Variants in TRIO observed in about 807,000 individuals in gnomAD.
The protein encoded by TRIO is trio Rho guanine nucleotide exchange factor, also known as triple functional domain protein.
In TRIO, 58 loss-of-function variants were observed where a neutral mutation model predicts 351.9. That is an observed-to-expected ratio of 0.16 (90% CI 0.13 to 0.21). TRIO has a LOEUF of 0.21. Ranked by LOEUF, TRIO falls within the 10% of genes least tolerant of loss-of-function variation. TRIO has a pLI of 1.00. For synonymous variants in TRIO, 1,758 were observed against 1,595.7 expected, an observed-to-expected ratio of 1.10 and a Z score of -2.42; for missense variants, 3,201 against 4,027.8, an observed-to-expected ratio of 0.79 and a Z score of 5.56.
rs568917435 is a variant in TRIO at position 14,278,382 on chromosome 5, A to G, written c.233-1940A>G. On this transcript the variant is annotated intron_variant, in intron 2 of 56. Coordinates refer to ENST00000344204, the MANE Select transcript of TRIO (RefSeq NM_007118.4). The stretch of plus-strand genomic sequence containing the variant: ...CTTGCTTGACTTGTGAGCTACGGTG[A>G]CCCAGGAGGGAGGAGAGTGTCATGT... Among the ~76,000 whole-genome samples the G allele has an allele frequency of 6.6e-5, 10 of 152,264 alleles. No homozygotes were observed. The East Asian group carries it at 1.5e-3, about 23-fold the overall frequency.
chr5:14,330,361 G>C (rs1169883282), intron 9 of TRIO, among the ~76,000 whole-genome samples: 1 of 152,186 alleles, frequency 6.6e-6, no homozygotes, highest in Non-Finnish European at 1.5e-5. Flanking sequence ...AGTTAAACTT[G>C]AATTGCCTTA....
intron 1 of TRIO, among the ~76,000 whole-genome samples, chr5:14,267,385 C>T (rs942786876): frequency 6.6e-6 from 1 of 152,150 alleles, no homozygotes; most frequent in Non-Finnish European, 1.5e-5. Flanking sequence ...CTGAACCTCT[C>T]TGTGATGGTG....
At chr5:14,388,434 CT>C (rs1169405281) in intron 23 of TRIO, among the ~76,000 whole-genome samples, 178 bp from the exon 24 acceptor site, 1 of 152,124 alleles carries the variant, frequency 6.6e-6, no homozygotes, top group Admixed American at 6.5e-5. Flanking sequence ...GTGCAGAAAT[CT>C]TTTTTTCCCC....
At chr5:14,464,717 G>A (rs754073906) in intron 36 of TRIO, among the ~76,000 whole-genome samples, 3 of 152,172 alleles carry the variant, frequency 2.0e-5, no homozygotes, top group African/African-American at 4.8e-5. Context: ...GACACGCATG[G>A]CCAGGACAGC....
intron 36 of TRIO, 87 bp from the exon 37 acceptor site, chr5:14,465,458 A>T (rs1365715063): frequency 3.1e-6 from 4 of 1,291,360 alleles, no homozygotes; most frequent in Non-Finnish European, 4.5e-6. Context: ...TTCACAAGAG[A>T]TGGAGCTTGC....
intron 1 of TRIO, among the ~76,000 whole-genome samples, chr5:14,224,836 A>G (rs1792880439): frequency 6.6e-6 from 1 of 152,184 alleles, no homozygotes. Flanking sequence ...ATGAAAGGGC[A>G]AAAAGTAGGA....
chr5:14,282,466 G>C (rs751227095), intron 3 of TRIO, among the ~76,000 whole-genome samples: 2 of 151,890 alleles, frequency 1.3e-5, no homozygotes, highest in African/African-American at 4.8e-5. Context: ...TTGCTTTTTG[G>C]TCTTGAAACC....
intron 12 of TRIO, 79 bp downstream of exon 12, chr5:14,358,426 G>A (rs931534493): frequency 1.3e-6 from 2 of 1,543,810 alleles, no homozygotes; most frequent in Non-Finnish European, 1.8e-6. Flanking sequence ...ACTCTTGTGA[G>A]TGGTCAGCTC....
chr5:14,390,622 G>A, intron 26 of TRIO: 1 of 536,362 alleles, frequency 1.9e-6, no homozygotes. Context: ...AGGTGAACGT[G>A]CGGTCATGCT....
chr5:14,411,985 T>A (rs936531089), intron 33 of TRIO, among the ~76,000 whole-genome samples: 5 of 147,208 alleles, frequency 3.4e-5, no homozygotes, highest in African/African-American at 1.1e-4. Context: ...TTTTCTTTCT[T>A]TCTTTCTTTT....
chr5:14,244,773 C>T (rs1794334952), intron 1 of TRIO, among the ~76,000 whole-genome samples: 2 of 152,302 alleles, frequency 1.3e-5, no homozygotes, highest in South Asian at 2.1e-4. Flanking sequence ...TGGATTGCAG[C>T]GGGTCCTTGG....
intron 1 of TRIO, among the ~76,000 whole-genome samples, chr5:14,263,133 C>T (rs945075633): frequency 2.0e-5 from 3 of 152,178 alleles, no homozygotes; most frequent in South Asian, 2.1e-4. Flanking sequence ...CTATTCTCAT[C>T]GCTCTGGCCC....
intron 34 of TRIO, among the ~76,000 whole-genome samples, chr5:14,458,340 C>A (rs1420669357): frequency 6.6e-6 from 1 of 152,220 alleles, no homozygotes; most frequent in Non-Finnish European, 1.5e-5. Context: ...AGGTCCCAGA[C>A]AGATGAGGCC....
At chr5:14,318,424 C>T (rs1739573326) in intron 9 of TRIO, among the ~76,000 whole-genome samples, 1 of 145,890 alleles carries the variant, frequency 6.9e-6, no homozygotes, top group Non-Finnish European at 1.5e-5. Flanking sequence ...AACTCCACTT[C>T]ATCCTGGGTG....
At chr5:14,285,709 G>A (rs1268156234) in intron 3 of TRIO, among the ~76,000 whole-genome samples, 1 of 152,164 alleles carries the variant, frequency 6.6e-6, no homozygotes, top group Non-Finnish European at 1.5e-5. Flanking sequence ...GCAGAAAAAT[G>A]TCAAATGTCT....
intron 1 of TRIO, among the ~76,000 whole-genome samples, chr5:14,267,169 C>T (rs1795731299): frequency 6.6e-6 from 1 of 152,202 alleles, no homozygotes; most frequent in Non-Finnish European, 1.5e-5. Context: ...TATCTCCTCT[C>T]AAGTTGCTCT....
At position 14,336,522 on chromosome 5, in the gene TRIO, G is replaced by A. The variant is rs1385004171; in HGVS notation, c.1855-14G>A. The A allele has an allele frequency of 1.9e-6, 3 of 1,610,516 alleles. No individual in the cohort carries two copies. The highest frequency in any genetic ancestry group is 2.2e-5 in the South Asian group (2 of 90,950). On this transcript the variant is annotated splice_polypyrimidine_tract_variant and intron_variant, in intron 10 of 56. Coordinates refer to ENST00000344204, the MANE Select transcript of TRIO (RefSeq NM_007118.4). ...CACTTACCTTCTGTTTCTCTGGGAT[G>A]TTCTCTTGTGCAGAACACATACACC...
At chr5:14,270,400 A>T (rs187202742) in intron 1 of TRIO, among the ~76,000 whole-genome samples, 1 of 152,292 alleles carries the variant, frequency 6.6e-6, no homozygotes, top group Non-Finnish European at 1.5e-5. Context: ...TGAGGCATTG[A>T]GCTCCCCCTA....
At chr5:14,193,125 C>T (rs1205436249) in intron 1 of TRIO, among the ~76,000 whole-genome samples, 1 of 152,170 alleles carries the variant, frequency 6.6e-6, no homozygotes, top group Non-Finnish European at 1.5e-5. Context: ...CATGCAGTTT[C>T]TGGTAGTAAC....
Sources: allele counts gnomAD v4.1 joint callset (sites outside exome capture counted in the v4.1 genomes callset), GRCh38; gene constraint gnomAD v4.1.1; transcripts MANE v1.5; gene names NCBI Gene and HGNC (gene_info 2026-07-23, HGNC 2026-07-21).